PAPSS1: variants seen among roughly 807,000 people sequenced by gnomAD.
PAPSS1 encodes the protein 3'-phosphoadenosine 5'-phosphosulfate synthase 1, also known as bifunctional 3'-phosphoadenosine 5'-phosphosulfate synthase 1.
Under a neutral mutation model 72.0 loss-of-function variants are expected in PAPSS1, and 50 were observed. That is an observed-to-expected ratio of 0.69 (90% confidence interval 0.55 to 0.88). The LOEUF is 0.88. Ranked by LOEUF, PAPSS1 falls within the 40% of genes least tolerant of loss-of-function variation. The pLI, the probability that PAPSS1 is intolerant of heterozygous loss-of-function variation, is 0.00. For missense variants in PAPSS1, 657 were observed against 782.2 expected, an observed-to-expected ratio of 0.84 and a Z score of 1.91; for synonymous variants, 261 against 263.6, an observed-to-expected ratio of 0.99 and a Z score of 0.09.
intron 10 of PAPSS1, 102 bp downstream of exon 10, chr4:107,644,700 C>T (rs1354985102): frequency 3.8e-6 from 4 of 1,061,740 alleles, no homozygotes; most frequent in African/African-American, 3.2e-5. Flanking sequence ...ATGTTTGGAA[C>T]AGGCCTACAG....
intron 5 of PAPSS1, among the ~76,000 whole-genome samples, chr4:107,676,681 CTACTT>C (rs1727660753): frequency 6.6e-6 from 1 of 152,184 alleles, no homozygotes; most frequent in Non-Finnish European, 1.5e-5. Context: ...TTGGAAAAAA[CTACTT>C]TAAAGTTCAT....
At chr4:107,691,683 A>G (rs1311405837) in intron 3 of PAPSS1, among the ~76,000 whole-genome samples, 2 of 152,178 alleles carry the variant, frequency 1.3e-5, no homozygotes, top group African/African-American at 4.8e-5. Context: ...GTGCTCTTCT[A>G]CAAGTATAGT....
intron 11 of PAPSS1, among the ~76,000 whole-genome samples, chr4:107,625,165 T>C (rs1271981080): frequency 6.6e-6 from 1 of 151,824 alleles, no homozygotes; most frequent in Non-Finnish European, 1.5e-5. Context: ...GCAAGAAATC[T>C]AAGTAGAAAT....
At chr4:107,640,324 T>C (rs1726502672) in intron 10 of PAPSS1, among the ~76,000 whole-genome samples, 1 of 152,198 alleles carries the variant, frequency 6.6e-6, no homozygotes, top group Non-Finnish European at 1.5e-5. Context: ...AAAATCTTTA[T>C]AGACTATAAA....
At chr4:107,677,185 G>T (rs1391444693) in intron 5 of PAPSS1, among the ~76,000 whole-genome samples, 1 of 152,080 alleles carries the variant, frequency 6.6e-6, no homozygotes, top group African/African-American at 2.4e-5. Context: ...ATTGACAAAT[G>T]GGATCTAATT....
intron 10 of PAPSS1, among the ~76,000 whole-genome samples, chr4:107,638,028 C>G (rs17037925): frequency 0.23 from 35,275 of 151,516 alleles, 4,179 homozygotes; most frequent in East Asian, 0.37. Flanking sequence ...CTGACTGGAA[C>G]AATCTACACA....
At chr4:107,688,659 G>C (rs1336981929) in intron 3 of PAPSS1, among the ~76,000 whole-genome samples, 1 of 152,030 alleles carries the variant, frequency 6.6e-6, no homozygotes, top group Non-Finnish European at 1.5e-5. Flanking sequence ...TAACACTGGA[G>C]TTGCCCACAC....
intron 10 of PAPSS1, among the ~76,000 whole-genome samples, chr4:107,636,467 C>T (rs1389495039): frequency 2.0e-5 from 3 of 152,106 alleles, no homozygotes; most frequent in East Asian, 3.9e-4. Context: ...GAAAATCACT[C>T]GTTGAATTCG....
At chr4:107,687,240 A>G (rs1722811239) in intron 3 of PAPSS1, 63 bp from the exon 4 acceptor site, 2 of 1,272,234 alleles carry the variant, frequency 1.6e-6, no homozygotes, top group Non-Finnish European at 2.1e-6. Flanking sequence ...TTAATATTAA[A>G]GATGAGTAAA....
intron 5 of PAPSS1, among the ~76,000 whole-genome samples, chr4:107,672,493 A>G (rs907850597): frequency 6.6e-6 from 1 of 152,160 alleles, no homozygotes. Context: ...CTGAGATCAA[A>G]CTGCAAGGTG....
intron 2 of PAPSS1, 67 bp downstream of exon 2, chr4:107,701,104 C>A: frequency 1.1e-6 from 1 of 919,576 alleles, no homozygotes; most frequent in Non-Finnish European, 1.7e-6. Context: ...AATATGCTTA[C>A]GCCTAGTCCA....
chr4:107,678,225 G>A (rs1727711605), intron 5 of PAPSS1, among the ~76,000 whole-genome samples: 1 of 94,426 alleles, frequency 1.1e-5, no homozygotes, highest in African/African-American at 3.1e-5. Flanking sequence ...AGTATTAGCT[G>A]AATGTAAAAA....
At chr4:107,710,630 C>G (rs1578438795) in intron 1 of PAPSS1, among the ~76,000 whole-genome samples, 2 of 152,194 alleles carry the variant, frequency 1.3e-5, no homozygotes, top group South Asian at 4.1e-4. Flanking sequence ...CTCACATTAG[C>G]TCTCTCACAC....
intron 5 of PAPSS1, among the ~76,000 whole-genome samples, chr4:107,679,267 C>A (rs1727738432): frequency 6.6e-6 from 1 of 152,014 alleles, no homozygotes; most frequent in South Asian, 2.1e-4. Context: ...GAGGAAGACT[C>A]CTTCTGTGGT....
intron 9 of PAPSS1, 135 bp from the exon 10 acceptor site, chr4:107,645,205 TA>T (rs142724086): frequency 0.34 from 136,017 of 394,416 alleles, 4,927 homozygotes; most frequent in Middle Eastern, 0.39. Flanking sequence ...AGAAAACTGG[TA>T]AAAAAAAAAA....
intron 9 of PAPSS1, among the ~76,000 whole-genome samples, chr4:107,648,348 G>T (rs769269063): frequency 2.0e-5 from 3 of 152,188 alleles, no homozygotes; most frequent in Non-Finnish European, 4.4e-5. Flanking sequence ...TCGTGTCGTG[G>T]CACAGTGCAG....
At chr4:107,706,715 C>A (rs890991901) in intron 1 of PAPSS1, among the ~76,000 whole-genome samples, 3 of 152,140 alleles carry the variant, frequency 2.0e-5, no homozygotes, top group Non-Finnish European at 2.9e-5. Context: ...AATATCTGTA[C>A]AATGAAGAGG....
intron 5 of PAPSS1, among the ~76,000 whole-genome samples, chr4:107,673,428 A>T (rs1009309373): frequency 6.6e-6 from 1 of 152,168 alleles, no homozygotes; most frequent in Admixed American, 6.5e-5. Flanking sequence ...AAGCCTCAGT[A>T]GCCGATTCGA....
intron 11 of PAPSS1, among the ~76,000 whole-genome samples, chr4:107,623,130 G>A (rs371946272): frequency 6.2e-4 from 95 of 152,022 alleles, no homozygotes; most frequent in African/African-American, 2.0e-3. Flanking sequence ...TAAACTTTTG[G>A]GTCACTTTTA....
Sources: allele counts gnomAD v4.1 joint callset (sites outside exome capture counted in the v4.1 genomes callset), GRCh38; gene constraint gnomAD v4.1.1; transcripts MANE v1.5; gene names NCBI Gene and HGNC (gene_info 2026-07-23, HGNC 2026-07-21).